The following THSD7B variants were observed in gnomAD, a reference collection of about 807,000 sequenced individuals.
The protein encoded by THSD7B is thrombospondin type-1 domain-containing protein 7B.
A neutral mutation model predicts 213.6 loss-of-function variants in THSD7B; 138 were observed. The ratio of observed to expected loss-of-function variants is 0.65; its 90% CI spans 0.56 to 0.74. The LOEUF is 0.74. THSD7B is among the 30% of genes least tolerant of loss of function. The pLI, the probability that THSD7B is intolerant of heterozygous loss-of-function variation, is 0.00. For missense variants in THSD7B, 1,931 were observed against 1,991.5 expected (o/e 0.97, Z 0.58); for synonymous variants, 742 against 687.0 (o/e 1.08, Z -1.25).
At chr2:136,842,361 A>C (rs747785032) in intron 1 of THSD7B, among the ~76,000 whole-genome samples, 1 of 152,226 alleles carries the variant, frequency 6.6e-6, no homozygotes, top group African/African-American at 2.4e-5. Flanking sequence ...TGATTCATTA[A>C]TCTCAGCTAT....
chr2:137,599,038 C>G (rs1382086108), intron 17 of THSD7B, among the ~76,000 whole-genome samples: 1 of 125,132 alleles, frequency 8.0e-6, no homozygotes, highest in African/African-American at 3.0e-5. Flanking sequence ...CCCCCCTCCC[C>G]CCACCCCACC....
intron 15 of THSD7B, among the ~76,000 whole-genome samples, chr2:137,509,893 A>G (rs990115277): frequency 2.6e-5 from 4 of 152,006 alleles, no homozygotes; most frequent in African/African-American, 9.7e-5. Flanking sequence ...TCTTTAATAC[A>G]TTTCATTTCT....
intron 15 of THSD7B, among the ~76,000 whole-genome samples, chr2:137,523,096 G>A (rs1680217182): frequency 6.6e-6 from 1 of 152,082 alleles, no homozygotes; most frequent in South Asian, 2.1e-4. Context: ...CCAATGTGAT[G>A]GTATAAATAT....
rs372201080 is a variant in THSD7B, at chr2:137,056,826, A to G, written c.546A>G (p.Val182=). 4.2e-5 allele frequency: 67 copies of G among 1,613,922 alleles called. No individual in the cohort carries two copies. The African/African-American group carries it at 6.0e-4, about 14-fold the overall frequency. The change falls in exon 3 of 28, where the codon GTA becomes GTG. Residue 182 remains valine (V), a synonymous_variant. Coordinates refer to ENST00000409968, the MANE Select transcript of THSD7B (RefSeq NM_001316349.2). ...CLIPCPRDCV[V]SEFLPWSNCS... ...TTCCTTGTCCCCGGGATTGTGTAGT[A>G]TCTGAGTTCTTACCATGGTCCAACT...
chr2:137,077,674 T>G (rs1687659155), intron 3 of THSD7B, among the ~76,000 whole-genome samples: 1 of 151,916 alleles, frequency 6.6e-6, no homozygotes, highest in Non-Finnish European at 1.5e-5. Context: ...ATGGGGTTGT[T>G]TGTTTTTTTC....
chr2:137,453,338 T>C (rs1367881819), intron 15 of THSD7B, among the ~76,000 whole-genome samples: 2 of 137,960 alleles, frequency 1.4e-5, no homozygotes, highest in African/African-American at 5.4e-5. Context: ...TTTTTTTTTT[T>C]TTTTTTTTTG....
chr2:137,069,298 G>C (rs1035171283), intron 3 of THSD7B, among the ~76,000 whole-genome samples: 1 of 151,874 alleles, frequency 6.6e-6, no homozygotes, highest in Non-Finnish European at 1.5e-5. Context: ...TCTCTCTTCA[G>C]TTTTAATTTT....
In THSD7B at chr2:136,810,120, A is replaced by G. The variant is rs569028746; in HGVS notation, c.-36+44433A>G. ...CGGGTAGTTAACGCATAGAGAAGGC[A>G]AGTGTGACAAAAACCTTTCCCTTTC... On this transcript the variant is annotated intron_variant, in intron 1 of 27. Transcript: ENST00000409968. Among the ~76,000 whole-genome samples, 16 of 152,288 alleles carry G rather than the reference A, an allele frequency of 1.1e-4. 1 individual carries two copies. Among genetic ancestry groups the G allele is most frequent in the South Asian group, 4.2e-4 (2 of 4,818 alleles).
At chr2:136,974,347 CT>C (rs1195645253) in intron 2 of THSD7B, among the ~76,000 whole-genome samples, 3 of 152,106 alleles carry the variant, frequency 2.0e-5, no homozygotes, top group Non-Finnish European at 2.9e-5. Flanking sequence ...TCTCCCTCCC[CT>C]GAACCCCCCG....
chr2:137,485,455 T>C lies in THSD7B; in HGVS notation c.3138+34432T>C, dbSNP rs552600165. Among the ~76,000 whole-genome samples, 8 of 152,324 alleles carry C rather than the reference T, an allele frequency of 5.3e-5. No individual in the cohort carries two copies. In the East Asian group the frequency reaches 1.5e-3, roughly 29 times the overall value. On this transcript the variant is annotated intron_variant, in intron 15 of 27. Transcript: ENST00000409968. ...TAGTATAGTTTGAAGTCAGGTATCATGATGCCTCCAGCTTTGTTCTTTTGA... is the reference window on the plus strand; with the variant it reads ...TAGTATAGTTTGAAGTCAGGTATCACGATGCCTCCAGCTTTGTTCTTTTGA...
At chr2:137,463,632 A>C (rs1353128893) in intron 15 of THSD7B, among the ~76,000 whole-genome samples, 1 of 152,090 alleles carries the variant, frequency 6.6e-6, no homozygotes, top group African/African-American at 2.4e-5. Context: ...TGGAAGTAAA[A>C]GTCTCCAGTG....
chr2:136,937,908 C>T (rs1684761114), intron 2 of THSD7B, among the ~76,000 whole-genome samples: 1 of 152,162 alleles, frequency 6.6e-6, no homozygotes. Context: ...TTGTCATTAT[C>T]AAGCATATAG....
At chr2:137,542,434 C>T (rs1318789458) in intron 15 of THSD7B, among the ~76,000 whole-genome samples, 1 of 151,558 alleles carries the variant, frequency 6.6e-6, no homozygotes, top group Non-Finnish European at 1.5e-5. Flanking sequence ...ATCAGACCTA[C>T]ACTAGATACT....
chr2:137,614,671 T>A (rs1259695127), intron 17 of THSD7B, among the ~76,000 whole-genome samples: 1 of 152,176 alleles, frequency 6.6e-6, no homozygotes, highest in Non-Finnish European at 1.5e-5. Flanking sequence ...AATTGCTTGG[T>A]TTCATGGGCC....
At chr2:137,606,772 T>C (rs1448944168) in intron 17 of THSD7B, among the ~76,000 whole-genome samples, 7 of 151,278 alleles carry the variant, frequency 4.6e-5, no homozygotes, top group Admixed American at 4.6e-4. Context: ...GAAAGAGAAG[T>C]AAGCATTTCA....
intron 1 of THSD7B, among the ~76,000 whole-genome samples, chr2:136,837,360 A>G (rs922654510): frequency 3.9e-5 from 6 of 152,116 alleles, no homozygotes; most frequent in Non-Finnish European, 1.5e-5. Context: ...CTTCTGGCCA[A>G]CTAACTTTCC....
intron 1 of THSD7B, among the ~76,000 whole-genome samples, chr2:136,804,002 A>G (rs1682239534): frequency 6.6e-6 from 1 of 152,166 alleles, no homozygotes; most frequent in South Asian, 2.1e-4. Context: ...TCAAATGGTA[A>G]TGTCTCTTGG....
At chr2:137,275,804 CA>C in intron 11 of THSD7B, 118 bp from the exon 12 acceptor site, 1 of 693,912 alleles carries the variant, frequency 1.4e-6, no homozygotes, top group Non-Finnish European at 2.4e-6. Context: ...ACATTGATTT[CA>C]TATCCATTTT....
chr2:137,445,399 C>A (rs1277107372), intron 14 of THSD7B, among the ~76,000 whole-genome samples: 9 of 151,942 alleles, frequency 5.9e-5, no homozygotes. Flanking sequence ...TATGTATATA[C>A]ACAATGGAAT....
Sources: gnomAD v4.1 joint callset for allele counts (sites outside exome capture counted in the v4.1 genomes callset) on GRCh38, gnomAD v4.1.1 for gene constraint, MANE v1.5 for transcripts, NCBI Gene and HGNC (gene_info 2026-07-23, HGNC 2026-07-21) for gene names.